Variants in NRG1 observed in about 807,000 individuals in gnomAD.
NRG1 encodes pro-neuregulin-1, membrane-bound isoform.
A neutral mutation model predicts 63.8 loss-of-function variants in NRG1; 18 were observed. That is an observed-to-expected ratio of 0.28 (90% CI 0.19 to 0.42). The LOEUF is 0.42. Among genes scored for constraint, NRG1 ranks in the 10% least tolerant of loss-of-function variants. NRG1 has a pLI of 1.00. For synonymous variants in NRG1, 302 were observed against 301.3 expected, an observed-to-expected ratio of 1.00 and a Z score of -0.02; for missense variants, 762 against 814.7, an observed-to-expected ratio of 0.94 and a Z score of 0.79.
chr8:32,039,673 A>T (rs1819621962), intron 1 of NRG1, among the ~76,000 whole-genome samples: 2 of 152,174 alleles, frequency 1.3e-5, no homozygotes. Context: ...TGAGTACCTT[A>T]TCTGGCCCAG....
At chr8:32,354,384 C>CAA (rs34140415) in intron 1 of NRG1, among the ~76,000 whole-genome samples, 92,803 of 151,678 alleles carry the variant, frequency 0.61, 28,875 homozygotes, top group East Asian at 0.89. Context: ...ACAACAACAA[C>CAA]AAAAAGTGTA....
chr8:32,356,932 AG>A (rs1373879894), intron 1 of NRG1, among the ~76,000 whole-genome samples: 1 of 152,228 alleles, frequency 6.6e-6, no homozygotes, highest in Non-Finnish European at 1.5e-5. Flanking sequence ...TTAAATTGCA[AG>A]GGGAAAGGTC....
chr8:31,977,513 T>A (rs1282552833), intron 1 of NRG1, among the ~76,000 whole-genome samples: 1 of 152,144 alleles, frequency 6.6e-6, no homozygotes, highest in African/African-American at 2.4e-5. Flanking sequence ...CATCTCTCTG[T>A]CTACCATTTT....
chr8:32,019,340 T>G (rs1337234269), intron 1 of NRG1, among the ~76,000 whole-genome samples: 3 of 152,216 alleles, frequency 2.0e-5, no homozygotes, highest in African/African-American at 7.2e-5. Context: ...CATCATGATC[T>G]GCTCGCCTTG....
At chr8:32,722,042 G>T (rs936494219) in intron 5 of NRG1, 1 of 1,545,400 alleles carries the variant, frequency 6.5e-7, no homozygotes, top group South Asian at 1.2e-5. Context: ...AGATATTACA[G>T]GTAAGGTTAA....
chr8:31,703,053 T>C (rs1389752213), intron 1 of NRG1, among the ~76,000 whole-genome samples: 1 of 148,596 alleles, frequency 6.7e-6, no homozygotes, highest in Non-Finnish European at 1.5e-5. Flanking sequence ...CAACAAGTGT[T>C]CCAAAAAAGG....
chr8:32,333,066 C>G (rs566110403), intron 1 of NRG1, among the ~76,000 whole-genome samples: 6 of 152,152 alleles, frequency 3.9e-5, no homozygotes, highest in Admixed American at 3.9e-4. Context: ...GACAATATAA[C>G]CATTTTTTTA....
chr8:32,757,241 A>G (rs565122729), intron 9 of NRG1, among the ~76,000 whole-genome samples: 3 of 152,334 alleles, frequency 2.0e-5, no homozygotes, highest in African/African-American at 7.2e-5. Flanking sequence ...TGAAGATATT[A>G]TCTTTCAAAT....
chr8:31,950,310 A>G (rs1255277108), intron 1 of NRG1, among the ~76,000 whole-genome samples: 1 of 152,202 alleles, frequency 6.6e-6, no homozygotes. Flanking sequence ...AAAAATTTCC[A>G]TTTCTTTTTA....
intron 5 of NRG1, among the ~76,000 whole-genome samples, chr8:32,668,922 G>A (rs1382030067): frequency 2.0e-5 from 3 of 152,050 alleles, no homozygotes; most frequent in African/African-American, 7.2e-5. Flanking sequence ...TTTTCTTTTG[G>A]TTGTGTCGAA....
chr8:31,662,310 A>T (rs1238157302), intron 1 of NRG1, among the ~76,000 whole-genome samples: 1 of 152,228 alleles, frequency 6.6e-6, no homozygotes, highest in Non-Finnish European at 1.5e-5. Flanking sequence ...ATAGGTTGAT[A>T]TTAAGCAGCT....
chr8:32,654,710 A>G (rs953631754), intron 5 of NRG1, among the ~76,000 whole-genome samples: 9 of 85,356 alleles, frequency 1.1e-4, no homozygotes, highest in Admixed American at 9.7e-4. Flanking sequence ...TCCCAACAAT[A>G]TAATATATGA....
chr8:32,157,441 C>A (rs1052750895), intron 1 of NRG1, among the ~76,000 whole-genome samples: 1 of 149,730 alleles, frequency 6.7e-6, no homozygotes, highest in African/African-American at 2.5e-5. Flanking sequence ...GCGGGCGGAT[C>A]ACAATGTCAG....
chr8:32,229,294 G>A (rs1474367246), intron 1 of NRG1, among the ~76,000 whole-genome samples: 1 of 152,124 alleles, frequency 6.6e-6, no homozygotes, highest in Non-Finnish European at 1.5e-5. Context: ...AAGGTTTTGT[G>A]TCTTTACTCT....
chr8:31,851,045 AAG>A (rs1827164644), intron 1 of NRG1, among the ~76,000 whole-genome samples: 2 of 152,124 alleles, frequency 1.3e-5, no homozygotes. Context: ...ACATGAGTGG[AAG>A]TAAGGGGTTC....
At chr8:32,095,070 C>T (rs1046359014) in intron 1 of NRG1, among the ~76,000 whole-genome samples, 14 of 152,114 alleles carry the variant, frequency 9.2e-5, no homozygotes, top group Admixed American at 7.9e-4. Context: ...CGCCATCATG[C>T]CCAGCTAATT....
intron 1 of NRG1, among the ~76,000 whole-genome samples, chr8:32,404,865 G>A (rs1230644125): frequency 6.6e-6 from 1 of 152,134 alleles, no homozygotes; most frequent in East Asian, 1.9e-4. Context: ...GATTACAGAT[G>A]TGAGCCACTG....
chr8:32,375,364 G>A lies in NRG1; in HGVS notation c.38-220464G>A, dbSNP rs578241348. ...AGATAAGTATGCAGTTATGAGGAAAGGTGATAGAACCACACCATTTTTATG... is the reference window on the plus strand; with the variant it reads ...AGATAAGTATGCAGTTATGAGGAAAAGTGATAGAACCACACCATTTTTATG... On this transcript the variant is annotated intron_variant, in intron 1 of 10. Transcript: ENST00000519301. Among the ~76,000 whole-genome samples the A allele has an allele frequency of 1.4e-3, 216 of 152,230 alleles. 1 individual carries two copies. Among genetic ancestry groups the A allele is most frequent in the African/African-American group, 4.9e-3 (205 of 41,532 alleles).
At chr8:31,707,483 T>C (rs918277102) in intron 1 of NRG1, among the ~76,000 whole-genome samples, 2 of 152,114 alleles carry the variant, frequency 1.3e-5, no homozygotes, top group African/African-American at 2.4e-5. Context: ...TATTCTTTTC[T>C]TCTTTTTTCT....
Sources: gnomAD v4.1 joint callset for allele counts (sites outside exome capture counted in the v4.1 genomes callset) on GRCh38, gnomAD v4.1.1 for gene constraint, MANE v1.5 for transcripts, NCBI Gene and HGNC (gene_info 2026-07-23, HGNC 2026-07-21) for gene names.